CDC123: variants seen among roughly 807,000 people sequenced by gnomAD.
The protein encoded by CDC123 is cell division cycle 123, also known as translation initiation factor eIF2 assembly protein.
Under a neutral mutation model 54.4 loss-of-function variants are expected in CDC123, and 37 were observed. That is an observed-to-expected ratio of 0.68 (90% confidence interval 0.52 to 0.89). CDC123 has a LOEUF of 0.89. CDC123 is among the 40% of genes least tolerant of loss of function. CDC123 has a pLI of 0.00. For missense variants in CDC123, 361 were observed against 412.1 expected, an observed-to-expected ratio of 0.88 and a Z score of 1.07; for synonymous variants, 144 against 136.8, an observed-to-expected ratio of 1.05 and a Z score of -0.37.
chr10:12,228,630 G>A (rs903135514), intron 6 of CDC123, among the ~76,000 whole-genome samples: 2 of 152,132 alleles, frequency 1.3e-5, no homozygotes, highest in East Asian at 3.9e-4. Flanking sequence ...GAGTGCAACG[G>A]CGCGATCTTG....
At chr10:12,246,667 T>C (rs1056967838) in intron 11 of CDC123, 2 of 162,784 alleles carry the variant, frequency 1.2e-5, no homozygotes, top group African/African-American at 4.8e-5. Flanking sequence ...ATTTCCACGG[T>C]GACTGGCTCA....
At chr10:12,217,889 A>T (rs1588674302) in intron 6 of CDC123, among the ~76,000 whole-genome samples, 1 of 152,160 alleles carries the variant, frequency 6.6e-6, no homozygotes, top group South Asian at 2.1e-4. Flanking sequence ...GGAGTTCAAG[A>T]CCAGCCTGGC....
At chr10:12,232,044 A>G (rs1439156140) in intron 7 of CDC123, among the ~76,000 whole-genome samples, 1 of 151,852 alleles carries the variant, frequency 6.6e-6, no homozygotes, top group African/African-American at 2.4e-5. Flanking sequence ...ACTGGGTTTC[A>G]CCATGTTGGC....
chr10:12,213,206 G>T (rs970555443), intron 4 of CDC123, among the ~76,000 whole-genome samples: 1 of 152,142 alleles, frequency 6.6e-6, no homozygotes, highest in African/African-American at 2.4e-5. Flanking sequence ...TACTGTTTGC[G>T]CAAAGAAAAA....
At chr10:12,229,750 A>T (rs183536687) in intron 6 of CDC123, among the ~76,000 whole-genome samples, 1 of 152,390 alleles carries the variant, frequency 6.6e-6, no homozygotes, top group East Asian at 1.9e-4. Flanking sequence ...GGCATTTAAT[A>T]AGCGATATGA....
chr10:12,217,594 G>A (rs553373441), intron 6 of CDC123, 127 bp downstream of exon 6: 5 of 889,906 alleles, frequency 5.6e-6, no homozygotes, highest in Non-Finnish European at 7.9e-6. Context: ...ATTTCATATT[G>A]CCAAAATGAC....
At position 12,220,084 on chromosome 10, in the gene CDC123, G is replaced by A. The variant is rs184530182; in HGVS notation, c.440+2617G>A. On this transcript the variant is annotated intron_variant, in intron 6 of 12. Coordinates refer to ENST00000281141, the MANE Select transcript of CDC123 (RefSeq NM_006023.3). ...CTGATCTCGTGATCCGCCCGCCTTG[G>A]CTTCCTGAAGTGCTGGGATTACAAG... Among the ~76,000 whole-genome samples the A allele has an allele frequency of 5.8e-3, 884 of 152,288 alleles. 10 individuals carry two copies. The highest frequency in any genetic ancestry group is 8.8e-3 in the Non-Finnish European group (598 of 68,020).
At chr10:12,198,572 A>C in intron 1 of CDC123, 133 bp from the exon 2 acceptor site, 1 of 649,990 alleles carries the variant, frequency 1.5e-6, no homozygotes, top group Non-Finnish European at 2.7e-6. Context: ...ACTGCTACCA[A>C]ATGTACATCA....
intron 2 of CDC123, among the ~76,000 whole-genome samples, chr10:12,206,754 C>A (rs55679703): frequency 1.3e-5 from 2 of 151,996 alleles, no homozygotes; most frequent in Admixed American, 6.6e-5. Context: ...GTCAGGAGAT[C>A]GAGACCATCC....
intron 7 of CDC123, among the ~76,000 whole-genome samples, chr10:12,232,195 T>G (rs1382919300): frequency 6.6e-6 from 1 of 152,116 alleles, no homozygotes; most frequent in African/African-American, 2.4e-5. Flanking sequence ...CTGGTCCTTC[T>G]TCCACTTGCA....
chr10:12,241,167 A>G (rs1249569916), intron 10 of CDC123, among the ~76,000 whole-genome samples: 1 of 70,290 alleles, frequency 1.4e-5, no homozygotes, highest in Admixed American at 1.2e-4. Flanking sequence ...TTTCTTAGTA[A>G]GTGAGGATGA....
chr10:12,230,344 C>G (rs1304425575), intron 6 of CDC123, among the ~76,000 whole-genome samples: 5 of 152,056 alleles, frequency 3.3e-5, no homozygotes, highest in Non-Finnish European at 5.9e-5. Context: ...AGGCGTCCAC[C>G]ACCACAGCCG....
intron 4 of CDC123, among the ~76,000 whole-genome samples, chr10:12,214,755 C>T (rs1835642137): frequency 6.6e-6 from 1 of 151,854 alleles, no homozygotes; most frequent in Non-Finnish European, 1.5e-5. Context: ...TTGATGTCAT[C>T]TTGGAATGTG....
rs1163362795 is a variant in CDC123, at chr10:12,233,244, T to C, written c.490-1804T>C. On this transcript the variant is annotated intron_variant, in intron 7 of 12. Transcript: ENST00000281141. ...GAAAAAAGTTGCAAGTAGAATCCTT[T>C]GTATCATTTTCTCCTGTCTGTGTGT... Among the ~76,000 whole-genome samples, 5 of 151,668 alleles carry C rather than the reference T, an allele frequency of 3.3e-5. No homozygotes were observed. The South Asian group carries it at 1.0e-3, about 32-fold the overall frequency.
At chr10:12,238,403 T>C in intron 9 of CDC123, 54 bp from the exon 10 acceptor site, 8 of 1,569,574 alleles carry the variant, frequency 5.1e-6, no homozygotes, top group Non-Finnish European at 6.9e-6. Context: ...CAAAAGGAGA[T>C]TTACATTGTG....
At chr10:12,233,262 CTG>C (rs561667872) in intron 7 of CDC123, among the ~76,000 whole-genome samples, 215 of 145,354 alleles carry the variant, frequency 1.5e-3, no homozygotes, top group African/African-American at 5.0e-3. Flanking sequence ...TTTCTCCTGT[CTG>C]TGTGTATTTA....
chr10:12,232,848 A>T lies in CDC123; in HGVS notation c.489+1852A>T, dbSNP rs576044628. 3.1e-4 allele frequency among the ~76,000 whole-genome samples: 46 copies of T among 150,204 alleles called. 1 individual carries two copies. The highest frequency in any genetic ancestry group is 1.0e-3 in the African/African-American group (41 of 40,852). ...ACCCAGGCTGGAGTGCAGTGGCGCC[A>T]TCTCCGGTTCACGCCATTCTCCTGC... is the stretch of plus-strand genomic sequence containing the variant. On this transcript the variant is annotated intron_variant, in intron 7 of 12. Transcript: ENST00000281141.
chr10:12,233,948 G>A (rs17566555), intron 7 of CDC123, among the ~76,000 whole-genome samples: 65,116 of 151,654 alleles, frequency 0.43, 15,395 homozygotes, highest in Middle Eastern at 0.56. Context: ...AGAATTGATC[G>A]ACTAAAATAT....
intron 2 of CDC123, among the ~76,000 whole-genome samples, chr10:12,200,315 TG>T (rs1158177067): frequency 6.6e-6 from 1 of 150,986 alleles, no homozygotes; most frequent in African/African-American, 2.4e-5. Flanking sequence ...TTAGTAGGGA[TG>T]GGGTTTCACC....
Sources: gnomAD v4.1 joint callset for allele counts (sites outside exome capture counted in the v4.1 genomes callset) on GRCh38, gnomAD v4.1.1 for gene constraint, MANE v1.5 for transcripts, NCBI Gene and HGNC (gene_info 2026-07-23, HGNC 2026-07-21) for gene names.